Variants in SLC18A1 observed in about 807,000 individuals in gnomAD.
SLC18A1 encodes the protein chromaffin granule amine transporter.
Under a neutral mutation model 53.7 loss-of-function variants are expected in SLC18A1, and 69 were observed. That is an observed-to-expected ratio of 1.28 (90% CI 1.06 to 1.57). The LOEUF is 1.57. Among genes scored for constraint, SLC18A1 ranks in the 40% most tolerant of loss-of-function variants. The pLI, the probability that SLC18A1 is intolerant of heterozygous loss-of-function variation, is 0.00. For missense variants in SLC18A1, 932 were observed against 668.1 expected (o/e 1.40, Z -4.35); for synonymous variants, 320 against 248.1 (o/e 1.29, Z -2.72).
At chr8:20,157,405 C>T (rs1461268201) in intron 10 of SLC18A1, among the ~76,000 whole-genome samples, 1 of 152,188 alleles carries the variant, frequency 6.6e-6, no homozygotes, top group Non-Finnish European at 1.5e-5. Flanking sequence ...GGCCAGTAGG[C>T]AGTTCCTAGT....
chr8:20,181,677 G>C (rs1438274604), intron 1 of SLC18A1: 1 of 152,062 alleles, frequency 6.6e-6, no homozygotes, highest in East Asian at 1.9e-4. Context: ...TGTTCTAGGT[G>C]CTACCCCAAA....
At chr8:20,155,803 G>A (rs954842988) in intron 10 of SLC18A1, among the ~76,000 whole-genome samples, 2 of 152,020 alleles carry the variant, frequency 1.3e-5, no homozygotes, top group Admixed American at 1.3e-4. Context: ...TGTGTCCTTA[G>A]GCACCAAGGC....
At chr8:20,163,757 C>G (rs1278867453) in intron 10 of SLC18A1, among the ~76,000 whole-genome samples, 2 of 152,112 alleles carry the variant, frequency 1.3e-5, no homozygotes, top group Non-Finnish European at 2.9e-5. Flanking sequence ...TGTTGGACAA[C>G]CTTTGATGTC....
In SLC18A1 at chr8:20,166,289, CTATATATATA is replaced by C. The variant is rs1181101416; in HGVS notation, c.859-1192_859-1183del. ...AAATTGTGTGTGGGTGTGTGTGTGT[CTATATATATA>C]TATATATATATATATATATATATAT... On this transcript the variant is annotated intron_variant, in intron 8 of 15. Transcript: ENST00000276373. Among the ~76,000 whole-genome samples, 61 of 107,256 alleles carry C rather than the reference CTATATATATA, an allele frequency of 5.7e-4. 2 individuals carry two copies. The highest frequency in any genetic ancestry group is 8.2e-4 in the African/African-American group (24 of 29,168). The allele number at this position is 107,256 out of a possible 152,430, so 70.4% of individuals were successfully genotyped here.
Position 20,147,661 on chromosome 8 carries a change from C to T in SLC18A1, c.1272G>A (p.Ser424=), listed in dbSNP as rs377170157. The T allele has an allele frequency of 7.1e-5, 115 of 1,613,888 alleles. No homozygotes were observed. Among genetic ancestry groups the T allele is most frequent in the Admixed American group, 3.7e-4 (22 of 60,002 alleles). ...CGATGGCGTAGACACTCCCATACAC[C>T]GAGGTGTGGCGTAGATCCACCAGGT... ...MGHLVDLRHT[S]VYGSVYAIAD... is the part of the protein sequence containing the mutation. Residue 424 remains serine, a synonymous_variant, in exon 14 of 16, where the codon TCG becomes TCA. Coordinates refer to ENST00000276373, the MANE Select transcript of SLC18A1 (RefSeq NM_003053.4).
In SLC18A1 at chr8:20,156,524, C is replaced by G. The variant is rs534900154; in HGVS notation, c.1016-5780G>C. 2.5e-3 allele frequency among the ~76,000 whole-genome samples: 385 copies of G among 152,310 alleles called. 5 individuals carry two copies. Among genetic ancestry groups the G allele is most frequent in the African/African-American group, 8.7e-3 (363 of 41,564 alleles). ...GGGTATTCAGTAATTGATAAGGAAA[C>G]TCTTGTAGAAGCAGAGTTGGGAAAA... On this transcript the variant is annotated intron_variant, in intron 10 of 15. Transcript: ENST00000276373.
chr8:20,169,621 A>G (rs545346109), intron 8 of SLC18A1, among the ~76,000 whole-genome samples: 2 of 152,116 alleles, frequency 1.3e-5, no homozygotes, highest in Non-Finnish European at 2.9e-5. Flanking sequence ...GCTCATGCCT[A>G]CAATCCCAGC....
chr8:20,170,952 C>A lies in SLC18A1; in HGVS notation c.858+151G>T, dbSNP rs187647259. 54 of 725,724 alleles carry A rather than the reference C, an allele frequency of 7.4e-5. No individual in the cohort carries two copies. In the African/African-American group the frequency reaches 8.1e-4, roughly 11 times the overall value. The allele number at this position is 725,724 out of a possible 1,614,324, so 45.0% of individuals were successfully genotyped here. A position where few individuals can be genotyped will look rare whatever the true frequency, so the allele number is the denominator to read the frequency against. On this transcript the variant is annotated intron_variant, in intron 8 of 15. Transcript: ENST00000276373. The stretch of plus-strand genomic sequence containing the variant: ...TCACTATCCCCCACACTACCTGAAA[C>A]GTAACCCTATCCTGGAATCCAAACA...
chr8:20,176,897 C>T (rs1195160932), intron 4 of SLC18A1, among the ~76,000 whole-genome samples: 1 of 152,186 alleles, frequency 6.6e-6, no homozygotes, highest in Non-Finnish European at 1.5e-5. Flanking sequence ...GCTAAAACGT[C>T]TCAGATCCAC....
rs1367568096 is a variant in SLC18A1, at chr8:20,148,395, C to A, written c.1147-325G>T. On this transcript the variant is annotated intron_variant, in intron 12 of 15. Coordinates refer to ENST00000276373, the MANE Select transcript of SLC18A1 (RefSeq NM_003053.4). ...CTCTGTTCCATGGATACTTTCTCCC[C>A]TTCCTCTACCCCTCTTCACCTAAAC... is the stretch of plus-strand genomic sequence containing the variant. 5 of 1,192,332 alleles carry A rather than the reference C, an allele frequency of 4.2e-6. No individual in the cohort carries two copies. The African/African-American group carries it at 7.8e-5, about 19-fold the overall frequency. 73.9% of individuals were successfully genotyped at this position (1,192,332 alleles called of 1,614,324 possible). A position where few individuals can be genotyped will look rare whatever the true frequency, so the allele number is the denominator to read the frequency against.
At chr8:20,167,458 T>C (rs1473100970) in intron 8 of SLC18A1, among the ~76,000 whole-genome samples, 1 of 151,858 alleles carries the variant, frequency 6.6e-6, no homozygotes, top group Non-Finnish European at 1.5e-5. Context: ...AATACATGTA[T>C]GGAATGGGGC....
At chr8:20,162,158 A>G (rs2071846634) in intron 10 of SLC18A1, among the ~76,000 whole-genome samples, 1 of 152,176 alleles carries the variant, frequency 6.6e-6, no homozygotes, top group Admixed American at 6.5e-5. Flanking sequence ...GCAGAGTCCC[A>G]AGGTGGTCCT....
chr8:20,174,465 G>A (rs2072207663), intron 4 of SLC18A1, 21 bp from the exon 5 acceptor site: 1 of 1,577,156 alleles, frequency 6.3e-7, no homozygotes, highest in Non-Finnish European at 8.7e-7. Context: ...AGAATAGCAA[G>A]ATAACTGCAG....
At chr8:20,156,892 G>T (rs1185212564) in intron 10 of SLC18A1, among the ~76,000 whole-genome samples, 1 of 152,198 alleles carries the variant, frequency 6.6e-6, no homozygotes, top group Non-Finnish European at 1.5e-5. Context: ...AATGCATCTT[G>T]ATGGGGCAAC....
chr8:20,149,774 C>G, intron 11 of SLC18A1, 47 bp from the exon 12 acceptor site: 1 of 1,578,448 alleles, frequency 6.3e-7, no homozygotes, highest in Non-Finnish European at 8.7e-7. Context: ...GAGAGCTCCC[C>G]TCCACCTGTA....
intron 7 of SLC18A1, 35 bp downstream of exon 7, chr8:20,171,370 G>C: frequency 6.4e-7 from 1 of 1,558,180 alleles, no homozygotes; most frequent in Non-Finnish European, 8.9e-7. Context: ...CCTGACCTGG[G>C]CTGTCACCTG....
rs757137910 is a variant in SLC18A1, at chr8:20,147,608, G to A, written c.1325C>T (p.Ala442Val). 35 of 1,614,104 alleles carry A rather than the reference G, an allele frequency of 2.2e-5. No homozygotes were observed. Among genetic ancestry groups the A allele is most frequent in the Non-Finnish European group, 2.9e-5 (34 of 1,179,996 alleles). Residue 442 changes from alanine to valine, a missense_variant, in exon 14 of 16, where the codon GCT becomes GTT. Ala to Val is a moderately conservative substitution (Grantham distance 64, BLOSUM62 0). Coordinates refer to ENST00000276373, the MANE Select transcript of SLC18A1 (RefSeq NM_003053.4). ...IADVAFCMGF[A>V]IGPSTGGAIV... is the part of the protein sequence containing the mutation. ...ACCAGGTCCTGCCAACATACCTATAGCAAAGCCCATGCAAAAAGCCACATC... is the reference window on the plus strand; with the variant it reads ...ACCAGGTCCTGCCAACATACCTATAACAAAGCCCATGCAAAAAGCCACATC...
intron 8 of SLC18A1, among the ~76,000 whole-genome samples, chr8:20,167,315 C>G (rs1345444759): frequency 6.6e-6 from 1 of 151,910 alleles, no homozygotes; most frequent in Non-Finnish European, 1.5e-5. Context: ...TTCTTGGTAG[C>G]TTTGTTTTTT....
At chr8:20,147,124 G>T in intron 15 of SLC18A1, 134 bp downstream of exon 15, 1 of 948,306 alleles carries the variant, frequency 1.1e-6, no homozygotes, top group South Asian at 2.1e-5. Context: ...AGGGGATTGG[G>T]AAACATGGCA....
Sources: allele counts gnomAD v4.1 joint callset (sites outside exome capture counted in the v4.1 genomes callset), GRCh38; gene constraint gnomAD v4.1.1; transcripts MANE v1.5; gene names NCBI Gene and HGNC (gene_info 2026-07-23, HGNC 2026-07-21).